The following PACRG variants were observed in gnomAD, a reference collection of about 807,000 sequenced individuals.
The protein encoded by PACRG is parkin coregulated gene protein.
In PACRG, 29 loss-of-function variants were observed where a neutral mutation model predicts 29.7. That is an observed-to-expected ratio of 0.98 (90% CI 0.73 to 1.33). The LOEUF (loss-of-function observed/expected upper bound fraction) is 1.33, where lower values mean the gene tolerates loss of function less well. Among genes scored for constraint, PACRG ranks in the 40% most tolerant of loss-of-function variants. PACRG has a pLI of 0.00. For missense variants in PACRG, 279 were observed against 316.2 expected (o/e 0.88, Z 0.89); for synonymous variants, 116 against 118.7 (o/e 0.98, Z 0.15).
intron 2 of PACRG, among the ~76,000 whole-genome samples, chr6:162,930,601 G>A (rs1797778002): frequency 6.6e-6 from 1 of 151,734 alleles, no homozygotes; most frequent in South Asian, 2.1e-4. Flanking sequence ...TTACCTAATT[G>A]CTGTAGCCAG....
At chr6:163,262,490 C>T (rs7760002) in intron 4 of PACRG, among the ~76,000 whole-genome samples, 52,293 of 151,500 alleles carry the variant, frequency 0.35, 9,410 homozygotes, top group Non-Finnish European at 0.39. Context: ...CTGATCAAAG[C>T]GAATCACTCT....
intron 4 of PACRG, among the ~76,000 whole-genome samples, chr6:163,188,859 T>A (rs539694885): frequency 6.6e-6 from 1 of 152,350 alleles, no homozygotes; most frequent in East Asian, 1.9e-4. Context: ...AAAGCAAGCA[T>A]GGGCTTAGGA....
At chr6:163,201,051 G>A (rs911515016) in intron 4 of PACRG, among the ~76,000 whole-genome samples, 2 of 152,174 alleles carry the variant, frequency 1.3e-5, no homozygotes, top group African/African-American at 4.8e-5. Context: ...GGTTTCCTGT[G>A]CTCTGTTCAC....
intron 2 of PACRG, among the ~76,000 whole-genome samples, chr6:163,045,718 G>A (rs866405708): frequency 2.4e-4 from 35 of 146,132 alleles, no homozygotes; most frequent in Non-Finnish European, 2.8e-4. Flanking sequence ...CGCCTCCCAG[G>A]TTCAAGCGAT....
chr6:163,146,752 G>C (rs1777818635), intron 4 of PACRG, among the ~76,000 whole-genome samples: 1 of 152,244 alleles, frequency 6.6e-6, no homozygotes, highest in Admixed American at 6.5e-5. Context: ...CTTGTATTTT[G>C]CCTTACAAAC....
intron 4 of PACRG, among the ~76,000 whole-genome samples, chr6:163,171,157 G>A (rs549859647): frequency 6.6e-6 from 1 of 152,280 alleles, no homozygotes; most frequent in South Asian, 2.1e-4. Context: ...TCCATTCAAT[G>A]ACAAGTAGTA....
At chr6:163,029,971 G>A (rs1397977202) in intron 2 of PACRG, among the ~76,000 whole-genome samples, 1 of 151,976 alleles carries the variant, frequency 6.6e-6, no homozygotes, top group East Asian at 1.9e-4. Context: ...AGGGTGAAAG[G>A]AAAAAAGGTT....
At chr6:162,741,267 G>T (rs1434667846) in intron 1 of PACRG, among the ~76,000 whole-genome samples, 2 of 152,132 alleles carry the variant, frequency 1.3e-5, no homozygotes, top group Non-Finnish European at 2.9e-5. Context: ...AGGGTAGTTA[G>T]TGTCTTCAAG....
chr6:163,172,730 T>C (rs1779147911), intron 4 of PACRG, among the ~76,000 whole-genome samples: 1 of 152,226 alleles, frequency 6.6e-6, no homozygotes, highest in African/African-American at 2.4e-5. Flanking sequence ...CTAAATGTCA[T>C]TGGCCTCAAT....
intron 4 of PACRG, among the ~76,000 whole-genome samples, chr6:163,242,205 A>G (rs11964522): frequency 0.41 from 62,817 of 152,094 alleles, 14,322 homozygotes; most frequent in African/African-American, 0.62. Context: ...CTATGGACCT[A>G]CTGAGTCGAA....
At chr6:163,175,658 G>A (rs1779311540) in intron 4 of PACRG, among the ~76,000 whole-genome samples, 1 of 151,900 alleles carries the variant, frequency 6.6e-6, no homozygotes, top group Admixed American at 6.6e-5. Flanking sequence ...AGCTGCAGGT[G>A]GAACCAGGGT....
chr6:162,759,987 G>C (rs1290377019), intron 1 of PACRG, among the ~76,000 whole-genome samples: 1 of 152,144 alleles, frequency 6.6e-6, no homozygotes, highest in Non-Finnish European at 1.5e-5. Context: ...GATGAGCAAG[G>C]ATATGGCTTC....
chr6:163,072,004 CAAG>C (rs1312818157), intron 3 of PACRG, among the ~76,000 whole-genome samples: 1 of 150,772 alleles, frequency 6.6e-6, no homozygotes, highest in African/African-American at 2.4e-5. Context: ...CCAGACATTT[CAAG>C]AAGAACTAAT....
At chr6:163,296,684 CT>C (rs1352378003) in intron 4 of PACRG, among the ~76,000 whole-genome samples, 1 of 152,192 alleles carries the variant, frequency 6.6e-6, no homozygotes, top group Non-Finnish European at 1.5e-5. Flanking sequence ...GACAGACACA[CT>C]ACTCGAGTAA....
At position 163,297,555 on chromosome 6, in the gene PACRG, C is replaced by G. The variant is rs1784822751; in HGVS notation, c.614-17272C>G. 2.6e-5 allele frequency among the ~76,000 whole-genome samples: 4 copies of G among 152,122 alleles called. No individual in the cohort carries two copies. In the South Asian group the frequency reaches 8.3e-4, roughly 32 times the overall value. ...TGGGCTTCCTAGAGCTCAAGAGCATCCCAGCCCACTCTCATCTTTAGAGGC... is the reference window on the plus strand; with the variant it reads ...TGGGCTTCCTAGAGCTCAAGAGCATGCCAGCCCACTCTCATCTTTAGAGGC... On this transcript the variant is annotated intron_variant, in intron 4 of 4. Coordinates refer to ENST00000366888, the MANE Select transcript of PACRG (RefSeq NM_001080379.2).
At chr6:162,827,037 C>A (rs1330968998) in intron 2 of PACRG, among the ~76,000 whole-genome samples, 1 of 151,996 alleles carries the variant, frequency 6.6e-6, no homozygotes, top group African/African-American at 2.4e-5. Context: ...TCACTGTAGA[C>A]TTGTTATTAA....
At chr6:162,946,467 TGGTAATAAGATTA>T (rs1471920427) in intron 2 of PACRG, among the ~76,000 whole-genome samples, 1 of 151,892 alleles carries the variant, frequency 6.6e-6, no homozygotes, top group Non-Finnish European at 1.5e-5. Flanking sequence ...CTGAACAGAC[TGGTAATAAGATTA>T]GATTGAAACA....
At chr6:163,152,806 C>A (rs1365190343) in intron 4 of PACRG, among the ~76,000 whole-genome samples, 1 of 152,194 alleles carries the variant, frequency 6.6e-6, no homozygotes, top group Non-Finnish European at 1.5e-5. Flanking sequence ...TATGTCAATG[C>A]AGGCTATGAT....
At chr6:163,281,333 C>T (rs1278140583) in intron 4 of PACRG, among the ~76,000 whole-genome samples, 2 of 152,102 alleles carry the variant, frequency 1.3e-5, no homozygotes, top group African/African-American at 4.8e-5. Context: ...GCCCTTGGCT[C>T]CTGTGGAGAG....
Sources: gnomAD v4.1 joint callset for allele counts (sites outside exome capture counted in the v4.1 genomes callset) on GRCh38, gnomAD v4.1.1 for gene constraint, MANE v1.5 for transcripts, NCBI Gene and HGNC (gene_info 2026-07-23, HGNC 2026-07-21) for gene names.